The following AVEN variants were observed in gnomAD, a reference collection of about 807,000 sequenced individuals.
AVEN encodes the protein cell death regulator Aven.
A neutral mutation model predicts 38.1 loss-of-function variants in AVEN; 41 were observed. That is an observed-to-expected ratio of 1.08 (90% CI 0.84 to 1.40). The LOEUF (loss-of-function observed/expected upper bound fraction) is 1.40. AVEN is among the 40% of genes most tolerant of loss of function. The probability of loss-of-function intolerance (pLI) is 0.00; values close to 1 mark genes in which losing one functional copy is unlikely to be tolerated. For missense variants in AVEN, 605 were observed against 438.8 expected (o/e 1.38, Z -3.38); for synonymous variants, 206 against 171.8 (o/e 1.20, Z -1.56).
At chr15:33,864,460 A>C (rs1166721927), downstream of AVEN, among the ~76,000 whole-genome samples, 1 of 152,186 alleles carries the variant, frequency 6.6e-6, no homozygotes, top group Non-Finnish European at 1.5e-5. Flanking sequence ...ATGAAATAAG[A>C]AATTGTCTGA....
chr15:34,072,892 G>A (rs8039219), intron 1 of AVEN, among the ~76,000 whole-genome samples: 33,217 of 150,892 alleles, frequency 0.22, 3,899 homozygotes, highest in Middle Eastern at 0.29. Context: ...CTTTTGATCC[G>A]CCTGCCTTGG....
chr15:33,863,882 C>T (rs1889446798), downstream of AVEN, among the ~76,000 whole-genome samples: 1 of 152,278 alleles, frequency 6.6e-6, no homozygotes, highest in South Asian at 2.1e-4. Context: ...TGCTACCTTG[C>T]AAGTGATCTT....
intron 5 of AVEN, among the ~76,000 whole-genome samples, chr15:34,054,078 A>T: frequency 6.6e-6 from 1 of 152,240 alleles, no homozygotes; most frequent in Non-Finnish European, 1.5e-5. Flanking sequence ...GTGAAAAAAA[A>T]ACTCAACATC....
intron 1 of AVEN, among the ~76,000 whole-genome samples, chr15:34,038,187 A>G (rs1025638589): frequency 5.9e-5 from 9 of 152,204 alleles, no homozygotes; most frequent in Middle Eastern, 3.2e-3. Context: ...AGGCATAATA[A>G]AAGAGAACTA....
At chr15:33,944,504 A>C (rs1894434366) in intron 2 of AVEN, among the ~76,000 whole-genome samples, 1 of 152,132 alleles carries the variant, frequency 6.6e-6, no homozygotes, top group Non-Finnish European at 1.5e-5. Context: ...GGAAATCAAC[A>C]TAAATTTTTT....
intron 2 of AVEN, among the ~76,000 whole-genome samples, chr15:33,975,135 T>A (rs115025953): frequency 0.014 from 2,205 of 152,168 alleles, 52 homozygotes; most frequent in African/African-American, 0.05. Context: ...AGCCCGCAGG[T>A]CCCCTTCTCA....
intron 5 of AVEN, among the ~76,000 whole-genome samples, chr15:34,062,419 G>T (rs1202927705): frequency 6.6e-6 from 1 of 152,052 alleles, no homozygotes; most frequent in Admixed American, 6.6e-5. Flanking sequence ...GCTGGGCGTG[G>T]TGGTGGGAGC....
downstream of AVEN, chr15:33,854,984 A>G: frequency 7.5e-7 from 1 of 1,340,272 alleles, no homozygotes; most frequent in Non-Finnish European, 1.0e-6. Context: ...CAGGTAGTAT[A>G]CAGTATATGA....
downstream of AVEN, chr15:33,854,784 T>C (rs1312971903): frequency 1.2e-6 from 2 of 1,610,112 alleles, no homozygotes; most frequent in Non-Finnish European, 8.5e-7. Context: ...CTACCTTGCC[T>C]GGTATACAAC....
At chr15:34,041,965 T>C (rs1231556790), upstream of AVEN, among the ~76,000 whole-genome samples, 1 of 152,202 alleles carries the variant, frequency 6.6e-6, no homozygotes, top group East Asian at 1.9e-4. Context: ...TATCTTGTTT[T>C]TCTCAATTCA....
intron 5 of AVEN, 122 bp from the exon 6 acceptor site, chr15:33,866,850 A>C: frequency 1.4e-6 from 1 of 695,038 alleles, no homozygotes; most frequent in Non-Finnish European, 2.4e-6. Flanking sequence ...TTACTCCCTA[A>C]GATGATACAG....
chr15:33,894,568 G>C (rs552088334), intron 2 of AVEN, among the ~76,000 whole-genome samples: 11 of 146,440 alleles, frequency 7.5e-5, no homozygotes, highest in African/African-American at 2.3e-4. Flanking sequence ...CTAGCACTTT[G>C]GGAGGCCGAG....
intron 2 of AVEN, among the ~76,000 whole-genome samples, chr15:33,980,981 T>C (rs551374580): frequency 1.6e-4 from 25 of 152,264 alleles, no homozygotes; most frequent in African/African-American, 6.0e-4. Flanking sequence ...AAGTAAAAAC[T>C]TTCTCACTTT....
chr15:33,966,691 A>G (rs1895399489), intron 2 of AVEN, among the ~76,000 whole-genome samples: 1 of 152,150 alleles, frequency 6.6e-6, no homozygotes, highest in Non-Finnish European at 1.5e-5. Flanking sequence ...AGAGAACCTG[A>G]ATGAGAATGA....
At chr15:33,890,112 C>CA (rs1320253997) in intron 2 of AVEN, among the ~76,000 whole-genome samples, 1 of 152,216 alleles carries the variant, frequency 6.6e-6, no homozygotes. Flanking sequence ...TTCATTGATG[C>CA]AAAACATTTT....
downstream of AVEN, chr15:33,865,411 C>G (rs556708485): frequency 2.7e-5 from 15 of 549,548 alleles, no homozygotes; most frequent in Middle Eastern, 6.9e-4. Context: ...TGGACATACA[C>G]TGTGGGAGAG....
chr15:33,951,790 A>G (rs1225929457), intron 2 of AVEN, among the ~76,000 whole-genome samples: 1 of 152,186 alleles, frequency 6.6e-6, no homozygotes, highest in African/African-American at 2.4e-5. Flanking sequence ...AATATAAAAT[A>G]ATGATAAGAA....
intron 2 of AVEN, among the ~76,000 whole-genome samples, chr15:33,950,003 T>C (rs9806154): frequency 0.23 from 35,578 of 152,048 alleles, 5,182 homozygotes; most frequent in African/African-American, 0.41. Context: ...AAATGTGATA[T>C]ATATATACCA....
chr15:33,970,943 T>C (rs1895611333), intron 2 of AVEN, among the ~76,000 whole-genome samples: 1 of 152,018 alleles, frequency 6.6e-6, no homozygotes, highest in Non-Finnish European at 1.5e-5. Context: ...TTTCACTTTC[T>C]TTCCTTTCCA....
Sources: allele counts gnomAD v4.1 joint callset (sites outside exome capture counted in the v4.1 genomes callset), GRCh38; gene constraint gnomAD v4.1.1; transcripts MANE v1.5; gene names NCBI Gene and HGNC (gene_info 2026-07-23, HGNC 2026-07-21).